The following MTTP variants were observed in gnomAD, a reference collection of about 807,000 sequenced individuals.
The protein encoded by MTTP is microsomal triglyceride transfer protein, also known as microsomal triglyceride transfer protein large subunit.
MTTP carries 49 observed loss-of-function variants against 90.6 expected under a neutral mutation model. The observed-to-expected ratio is 0.54, with a 90% CI of 0.43 to 0.69. The LOEUF (loss-of-function observed/expected upper bound fraction) is 0.69. MTTP is among the 30% of genes least tolerant of loss of function. The pLI is 0.00. For synonymous variants in MTTP, 347 were observed against 384.2 expected (o/e 0.90, Z 1.13); for missense variants, 945 against 1,067.5 (o/e 0.89, Z 1.60).
intron 16 of MTTP, among the ~76,000 whole-genome samples, chr4:99,620,153 C>A (rs1726194643): frequency 6.6e-6 from 1 of 152,136 alleles, no homozygotes; most frequent in South Asian, 2.1e-4. Flanking sequence ...TAAACCTTTG[C>A]TGAATATAGG....
chr4:99,623,283 G>GAA lies in MTTP; in HGVS notation c.*453_*454dup, dbSNP rs545365701. The GAA allele has an allele frequency of 6.7e-5, 7 of 103,962 alleles. No individual in the cohort carries two copies. The highest frequency in any genetic ancestry group is 3.1e-4 in the South Asian group (1 of 3,230). The allele number at this position is 103,962 out of a possible 1,614,324, so 6.4% of individuals were successfully genotyped here. ...AAAACCAAACACGTTCCCTAATCAGGAAAAAAAAAAAAAAAAAAAGTAAGA... is the reference window on the plus strand; with the variant it reads ...AAAACCAAACACGTTCCCTAATCAGGAAAAAAAAAAAAAAAAAAAAAGTAAGA... On this transcript the variant is annotated 3_prime_UTR_variant, in exon 18 of 18. Coordinates refer to ENST00000265517, the MANE Select transcript of MTTP (RefSeq NM_001386140.1).
chr4:99,577,010 C>T (rs1724980608), intron 1 of MTTP, among the ~76,000 whole-genome samples: 1 of 152,148 alleles, frequency 6.6e-6, no homozygotes, highest in Non-Finnish European at 1.5e-5. Context: ...TAAGCTTCAT[C>T]AGCATCATGG....
At position 99,609,090 on chromosome 4, in the gene MTTP, A is replaced by C; in HGVS notation, c.1769+113A>C. The C allele has an allele frequency of 2.7e-6, 3 of 1,092,236 alleles. No homozygotes were observed. In the East Asian group the frequency reaches 7.3e-5, roughly 27 times the overall value. The allele number at this position is 1,092,236 out of a possible 1,614,324, so 67.7% of individuals were successfully genotyped here. A position where few individuals can be genotyped will look rare whatever the true frequency, so the allele number is the denominator to read the frequency against. Reference sequence around the variant, plus strand: ...TCATTATGCAGGGTTACGTTGCATAAAACCAAAGAGTGCCAGATTTCCCAT... The same window carrying C: ...TCATTATGCAGGGTTACGTTGCATACAACCAAAGAGTGCCAGATTTCCCAT... On this transcript the variant is annotated intron_variant, in intron 12 of 17. Coordinates refer to ENST00000265517, the MANE Select transcript of MTTP (RefSeq NM_001386140.1).
chr4:99,568,817 AAAG>A (rs1724766765), intron 1 of MTTP, among the ~76,000 whole-genome samples: 1 of 152,326 alleles, frequency 6.6e-6, no homozygotes, highest in South Asian at 2.1e-4. Context: ...TTGTTGCAAC[AAAG>A]AAGGATTCAA....
intron 17 of MTTP, 36 bp from the exon 18 acceptor site, chr4:99,622,641 G>T (rs774337862): frequency 3.7e-6 from 6 of 1,608,800 alleles, no homozygotes; most frequent in South Asian, 3.3e-5. Context: ...ACTTAACTGT[G>T]TGTGTAATTC....
intron 10 of MTTP, among the ~76,000 whole-genome samples, chr4:99,605,936 G>T (rs989285694): frequency 1.4e-5 from 2 of 146,320 alleles, no homozygotes; most frequent in Non-Finnish European, 3.0e-5. Context: ...AATTTCAGAG[G>T]TTATGAATCC....
intron 3 of MTTP, among the ~76,000 whole-genome samples, chr4:99,588,313 A>G (rs898100729): frequency 2.6e-5 from 4 of 152,170 alleles, no homozygotes; most frequent in African/African-American, 9.7e-5. Context: ...ATGCTCAGCT[A>G]TAATTATCAT....
chr4:99,610,820 A>G (rs533705704), intron 12 of MTTP, among the ~76,000 whole-genome samples: 1 of 152,348 alleles, frequency 6.6e-6, no homozygotes, highest in Non-Finnish European at 1.5e-5. Context: ...TGTATGCACT[A>G]TTAAACAATA....
At chr4:99,599,611 CAT>C (rs1202820238) in intron 8 of MTTP, among the ~76,000 whole-genome samples, 1 of 152,156 alleles carries the variant, frequency 6.6e-6, no homozygotes, top group Non-Finnish European at 1.5e-5. Context: ...ACAGAGATAA[CAT>C]AATTTAATCC....
rs1305808753 is a variant in MTTP, at chr4:99,619,046, G to T, written c.2290G>T (p.Ala764Ser). The T allele has an allele frequency of 1.2e-6, 2 of 1,613,548 alleles. No homozygotes were observed. The highest frequency in any genetic ancestry group is 1.7e-6 in the Non-Finnish European group (2 of 1,179,666). Residue 764 changes from alanine to serine, a missense_variant, in exon 16 of 18, where the codon GCA becomes TCA. Physicochemically the swap from Ala to Ser is moderately conservative, Grantham distance 99. Coordinates refer to ENST00000265517, the MANE Select transcript of MTTP (RefSeq NM_001386140.1). ...QGGLAIDISGAMEFSLWYRES... is the reference protein window; with the variant it reads ...QGGLAIDISGSMEFSLWYRES... ...TGGTCTAGCTATTGATATTTCAGGT[G>T]CAATGGAGTTTAGCTTGTGGTATCG...
chr4:99,621,095 G>T lies in MTTP; in HGVS notation c.2377G>T (p.Asp793Tyr). The T allele has an allele frequency of 6.2e-7, 1 of 1,614,004 alleles. No homozygotes were observed. Among genetic ancestry groups the T allele is most frequent in the Non-Finnish European group, 8.5e-7 (1 of 1,179,980 alleles). ...TVVITTDITVDSSFVKAGLET... is the reference protein window; with the variant it reads ...TVVITTDITVYSSFVKAGLET... The stretch of plus-strand genomic sequence containing the variant: ...GGTAATAACCACTGACATCACAGTG[G>T]ACTCCTCTTTTGTGAAAGCTGGCCT... Residue 793 changes from aspartate (D) to tyrosine (Y), a missense_variant, in exon 17 of 18, where the codon GAC (aspartate) becomes TAC (tyrosine). By Grantham distance (160) the Asp-to-Tyr change is radical. Coordinates refer to ENST00000265517, the MANE Select transcript of MTTP (RefSeq NM_001386140.1).
At chr4:99,615,442 T>A (rs1726075032) in intron 15 of MTTP, among the ~76,000 whole-genome samples, 1 of 152,236 alleles carries the variant, frequency 6.6e-6, no homozygotes, top group African/African-American at 2.4e-5. Flanking sequence ...CAAGGCATAT[T>A]CTATGAGAAA....
intron 15 of MTTP, 70 bp from the exon 16 acceptor site, chr4:99,618,904 C>T (rs979360469): frequency 1.3e-6 from 2 of 1,573,392 alleles, no homozygotes; most frequent in Non-Finnish European, 1.7e-6. Context: ...GTCAAATGTG[C>T]CATTGGAAAG....
rs1725524929 is a variant in MTTP, at chr4:99,595,178, C to T, written c.909+295C>T. Among the ~76,000 whole-genome samples, 5 of 152,246 alleles carry T rather than the reference C, an allele frequency of 3.3e-5. No individual in the cohort carries two copies. The South Asian group carries it at 1.0e-3, about 32-fold the overall frequency. ...AGGGCTTAATGAAGTTAGGGGGAAG[C>T]ATATGGTGTCAAGAATGTGGACAAC... On this transcript the variant is annotated intron_variant, in intron 7 of 17. Coordinates refer to ENST00000265517, the MANE Select transcript of MTTP (RefSeq NM_001386140.1).
At chr4:99,588,138 G>A (rs1394754572) in intron 3 of MTTP, among the ~76,000 whole-genome samples, 1 of 149,676 alleles carries the variant, frequency 6.7e-6, no homozygotes, top group Non-Finnish European at 1.5e-5. Flanking sequence ...TTCAGGAAAA[G>A]TATTCTCTTC....
chr4:99,582,665 T>A (rs1725149015), intron 2 of MTTP, among the ~76,000 whole-genome samples: 1 of 152,164 alleles, frequency 6.6e-6, no homozygotes, highest in Non-Finnish European at 1.5e-5. Context: ...TATATGGTGA[T>A]TCCCTTATTT....
chr4:99,566,308 A>AAAG (rs1178025279), intron 1 of MTTP, among the ~76,000 whole-genome samples: 2 of 151,680 alleles, frequency 1.3e-5, no homozygotes, highest in African/African-American at 4.8e-5. Flanking sequence ...AAAAAAAAAA[A>AAAG]AAAAAAGAAA....
intron 9 of MTTP, 107 bp downstream of exon 9, chr4:99,600,840 C>G: frequency 9.4e-7 from 1 of 1,064,710 alleles, no homozygotes; most frequent in East Asian, 2.6e-5. Context: ...CAACTAGAGA[C>G]TTCTGAGTAT....
chr4:99,611,337 C>A lies in MTTP; in HGVS notation c.1873C>A (p.Pro625Thr). 1 of 1,614,058 alleles carries A rather than the reference C, an allele frequency of 6.2e-7. No homozygotes were observed. Among genetic ancestry groups the A allele is most frequent in the Non-Finnish European group, 8.5e-7 (1 of 1,179,952 alleles). The change falls in exon 14 of 18, where the codon CCC becomes ACC. Residue 625 changes from proline (P) to threonine (T), a missense_variant. Transcript: ENST00000265517. The stretch of plus-strand genomic sequence containing the variant: ...CAGTTATTGTGTGTCATCAGGTAGT[C>A]CCCGTTCGGCATCTACTTACAGCCT... ...SAYTGYIERS[P>T]RSASTYSLDI...
Sources: gnomAD v4.1 joint callset for allele counts (sites outside exome capture counted in the v4.1 genomes callset) on GRCh38, gnomAD v4.1.1 for gene constraint, MANE v1.5 for transcripts, NCBI Gene and HGNC (gene_info 2026-07-23, HGNC 2026-07-21) for gene names.